The following CCDC138 variants were observed in gnomAD, a reference collection of about 807,000 sequenced individuals.
The protein encoded by CCDC138 is coiled-coil domain containing 138, also known as coiled-coil domain-containing protein 138.
CCDC138 carries 66 observed loss-of-function variants against 82.3 expected under a neutral mutation model. The ratio of observed to expected loss-of-function variants is 0.80; its 90% CI spans 0.66 to 0.98. CCDC138 has a LOEUF of 0.98. CCDC138 is among the 50% of genes least tolerant of loss of function. The pLI is 0.00. For missense variants in CCDC138, 816 were observed against 758.9 expected (o/e 1.08, Z -0.88); for synonymous variants, 297 against 265.4 (o/e 1.12, Z -1.16).
chr2:108,853,011 C>A (rs1438914617), intron 12 of CCDC138, among the ~76,000 whole-genome samples: 3 of 152,206 alleles, frequency 2.0e-5, no homozygotes, highest in Non-Finnish European at 4.4e-5. Flanking sequence ...ATGCATTCTG[C>A]TCACAAACAT....
chr2:108,831,930 A>T (rs1687754340), intron 10 of CCDC138, among the ~76,000 whole-genome samples: 1 of 151,598 alleles, frequency 6.6e-6, no homozygotes, highest in South Asian at 2.1e-4. Context: ...ATGGGGTTTC[A>T]CCATGTTGAC....
At position 108,856,899 on chromosome 2, in the gene CCDC138, A is replaced by G. The variant is rs555487578; in HGVS notation, c.1622A>G (p.His541Arg). 1.2e-6 allele frequency: 2 copies of G among 1,613,358 alleles called. No homozygotes were observed. Among genetic ancestry groups the G allele is most frequent in the South Asian group, 1.1e-5 (1 of 91,006 alleles). ...CAGGCTGTTCCAGTAATATTAAGTCATCTAAGAATATCCAGTAAAGGACTC... is the reference window on the plus strand; with the variant it reads ...CAGGCTGTTCCAGTAATATTAAGTCGTCTAAGAATATCCAGTAAAGGACTC... Reference protein sequence around the residue: ...EYQAVPVILSHLRISSKGLLS... With the variant: ...EYQAVPVILSRLRISSKGLLS... Residue 541 changes from histidine (H) to arginine (R), a missense_variant, in exon 13 of 15, where the codon CAT (histidine) becomes CGT (arginine). His to Arg is a conservative substitution (Grantham distance 29). Transcript: ENST00000295124.
chr2:108,791,769 A>G lies in CCDC138; in HGVS notation c.361A>G (p.Ile121Val). 6.3e-7 allele frequency: 1 copy of G among 1,598,134 alleles called. No homozygotes were observed. Among genetic ancestry groups the G allele is most frequent in the Non-Finnish European group, 8.5e-7 (1 of 1,170,046 alleles). Residue 121 changes from isoleucine (I) to valine (V), a missense_variant, in exon 4 of 15, where the codon ATA becomes GTA. By Grantham distance (29) the Ile-to-Val change is conservative. Transcript: ENST00000295124. ...TGATTATAGAGTTAGTACCTCGAAA[A>G]TAACCAAGCAGTCTTTTAAAGAAAT... is the stretch of plus-strand genomic sequence containing the variant. ...ENDYRVSTSKITKQSFKEIEK... is the reference protein window; with the variant it reads ...ENDYRVSTSKVTKQSFKEIEK...
intron 12 of CCDC138, among the ~76,000 whole-genome samples, chr2:108,851,068 T>A (rs1691396311): frequency 6.6e-6 from 1 of 152,140 alleles, no homozygotes; most frequent in Non-Finnish European, 1.5e-5. Flanking sequence ...TACAACCCCC[T>A]CTTTGGGTTT....
At chr2:108,884,547 T>C (rs1203206362) in intron 2 of CCDC138, 3 of 152,306 alleles carry the variant, frequency 2.0e-5, no homozygotes, top group African/African-American at 7.2e-5. Context: ...CTTTGTTTTG[T>C]TTTTGCTTGT....
intron 10 of CCDC138, among the ~76,000 whole-genome samples, chr2:108,817,966 G>A (rs773427887): frequency 6.6e-6 from 1 of 152,112 alleles, no homozygotes; most frequent in Non-Finnish European, 1.5e-5. Flanking sequence ...CTGCCAATTA[G>A]GAAGGCCTGC....
At chr2:108,822,100 A>G (rs995937311) in intron 10 of CCDC138, among the ~76,000 whole-genome samples, 5 of 152,290 alleles carry the variant, frequency 3.3e-5, no homozygotes, top group African/African-American at 7.2e-5. Flanking sequence ...TCAGCTGAAA[A>G]TGAAAGGATG....
intron 3 of CCDC138, among the ~76,000 whole-genome samples, chr2:108,790,663 T>C (rs754628158): frequency 3.9e-5 from 6 of 152,200 alleles, no homozygotes; most frequent in South Asian, 4.1e-4. Flanking sequence ...ATCGCGCCAC[T>C]GCACTGCAAC....
Position 108,786,813 on chromosome 2 carries a change from G to C in CCDC138, c.-10G>C, listed in dbSNP as rs747839391. The C allele has an allele frequency of 2.2e-5, 35 of 1,584,462 alleles. No individual in the cohort carries two copies. The South Asian group carries it at 3.9e-4, about 18-fold the overall frequency. On this transcript the variant is annotated 5_prime_UTR_variant, in exon 1 of 15. Transcript: ENST00000295124. Reference sequence around the variant, plus strand: ...GGTTCCCGGGGAGACTGGTACGGTTGCTGTGTGCTATGGAGCCGAGGGTCG... The same window carrying C: ...GGTTCCCGGGGAGACTGGTACGGTTCCTGTGTGCTATGGAGCCGAGGGTCG...
chr2:108,815,754 C>G (rs1179821104), intron 9 of CCDC138, 187 bp from the exon 10 acceptor site: 1 of 176,900 alleles, frequency 5.7e-6, no homozygotes, highest in African/African-American at 2.4e-5. Context: ...GCTTGAGCCA[C>G]TGCGCCAGGC....
At chr2:108,871,900 G>A (rs1695308148) in intron 13 of CCDC138, among the ~76,000 whole-genome samples, 1 of 151,954 alleles carries the variant, frequency 6.6e-6, no homozygotes, top group Non-Finnish European at 1.5e-5. Flanking sequence ...ATTTTCTCTA[G>A]TTTTACAGTT....
intron 7 of CCDC138, among the ~76,000 whole-genome samples, chr2:108,807,078 C>G (rs1006036587): frequency 2.6e-5 from 4 of 151,894 alleles, no homozygotes; most frequent in Non-Finnish European, 5.9e-5. Flanking sequence ...TCATTCTATA[C>G]AAAATTAATA....
chr2:108,878,843 A>G (rs6542782), downstream of CCDC138, among the ~76,000 whole-genome samples: 139,673 of 152,176 alleles, frequency 0.92, 64,172 homozygotes, highest in East Asian at 1. Flanking sequence ...TAATTTCACT[A>G]TTAGAAAAAT....
chr2:108,816,581 T>A (rs1279442220), intron 10 of CCDC138, among the ~76,000 whole-genome samples: 1 of 152,136 alleles, frequency 6.6e-6, no homozygotes, highest in Non-Finnish European at 1.5e-5. Flanking sequence ...CTGAGGTCTG[T>A]CTCCCTTTTA....
At chr2:108,787,668 T>A (rs755239728) in intron 1 of CCDC138, among the ~76,000 whole-genome samples, 5 of 152,218 alleles carry the variant, frequency 3.3e-5, no homozygotes, top group Non-Finnish European at 7.3e-5. Flanking sequence ...TTTTGTTGCC[T>A]TTAATCTGGA....
Position 108,786,838 on chromosome 2 carries a change from G to A in CCDC138, c.16G>A (p.Val6Ile), listed in dbSNP as rs1256890458. 6.3e-7 allele frequency: 1 copy of A among 1,591,792 alleles called. No homozygotes were observed. Among genetic ancestry groups the A allele is most frequent in the Non-Finnish European group, 8.5e-7 (1 of 1,170,638 alleles). Residue 6 changes from valine (V) to isoleucine (I), a missense_variant, in exon 1 of 15, where the codon GTC (valine) becomes ATC (isoleucine). Transcript: ENST00000295124. ...GCTGTGTGCTATGGAGCCGAGGGTC[G>A]TCAAGCCACCGGGGCAGGATTTAGT... Reference protein sequence around the residue: MEPRVVKPPGQDLVVE... With the variant: MEPRVIKPPGQDLVVE...
intron 10 of CCDC138, among the ~76,000 whole-genome samples, chr2:108,824,543 C>T (rs1686243054): frequency 6.6e-6 from 1 of 152,036 alleles, no homozygotes. Flanking sequence ...GATAACAATG[C>T]CTTTTCCTGG....
At chr2:108,831,427 T>A (rs1025477971) in intron 10 of CCDC138, among the ~76,000 whole-genome samples, 19 of 152,192 alleles carry the variant, frequency 1.2e-4, no homozygotes, top group African/African-American at 4.3e-4. Flanking sequence ...AGTACTTTTT[T>A]ATTATGTTTG....
intron 8 of CCDC138, 36 bp downstream of exon 8, chr2:108,812,744 G>T: frequency 6.2e-7 from 1 of 1,609,304 alleles, no homozygotes; most frequent in Non-Finnish European, 8.5e-7. Flanking sequence ...ACAGAAGTAT[G>T]TTTTTAGATG....
Sources: gnomAD v4.1 joint callset for allele counts (sites outside exome capture counted in the v4.1 genomes callset) on GRCh38, gnomAD v4.1.1 for gene constraint, MANE v1.5 for transcripts, NCBI Gene and HGNC (gene_info 2026-07-23, HGNC 2026-07-21) for gene names.